EFHD1: variants seen among roughly 807,000 people sequenced by gnomAD.
The protein encoded by EFHD1 is EF-hand domain family member D1.
A neutral mutation model predicts 17.2 loss-of-function variants in EFHD1; 10 were observed. That is an observed-to-expected ratio of 0.58 (90% CI 0.36 to 0.99). The LOEUF is 0.99. Among genes scored for constraint, EFHD1 ranks in the 50% least tolerant of loss-of-function variants. The pLI is 0.01. For synonymous variants in EFHD1, 153 were observed against 142.0 expected (o/e 1.08, Z -0.55); for missense variants, 310 against 327.5 (o/e 0.95, Z 0.41).
chr2:232,618,959 C>T (rs1344185874), intron 1 of EFHD1, among the ~76,000 whole-genome samples: 1 of 151,946 alleles, frequency 6.6e-6, no homozygotes, highest in Non-Finnish European at 1.5e-5. Flanking sequence ...GCCTGACCAA[C>T]ATGGTGAAAC....
intron 1 of EFHD1, among the ~76,000 whole-genome samples, chr2:232,623,796 C>T (rs766533966): frequency 1.3e-5 from 2 of 151,960 alleles, no homozygotes; most frequent in Non-Finnish European, 2.9e-5. Flanking sequence ...TTCCTGCCTG[C>T]GTGAGTGAAG....
rs1389097770 is a variant in EFHD1, at chr2:232,650,561, T to C, written c.303-12241T>C. On this transcript the variant is annotated intron_variant, in intron 1 of 3. Transcript: ENST00000264059. ...CACCCGCCTCGGCCTCCCAAAGTGC[T>C]TTTTTTTTTTTTTTTTTTTTTTTTT... is the stretch of plus-strand genomic sequence containing the variant. Among the ~76,000 whole-genome samples the C allele has an allele frequency of 1.4e-4, 10 of 72,872 alleles. 1 individual carries two copies. Among genetic ancestry groups the C allele is most frequent in the African/African-American group, 1.9e-4 (3 of 15,572 alleles). The allele number at this position is 72,872 out of a possible 152,430, so 47.8% of individuals were successfully genotyped here.
intron 1 of EFHD1, among the ~76,000 whole-genome samples, chr2:232,640,941 T>C (rs756222313): frequency 9.9e-5 from 15 of 151,936 alleles, no homozygotes; most frequent in Non-Finnish European, 1.8e-4. Flanking sequence ...ATCTCAGTGG[T>C]GAGTGCTTGA....
rs557856187 is a variant in EFHD1 at position 232,668,904 on chromosome 2, G to T, written c.451-3405G>T. On this transcript the variant is annotated intron_variant, in intron 2 of 3. Coordinates refer to ENST00000264059, the MANE Select transcript of EFHD1 (RefSeq NM_025202.4). The stretch of plus-strand genomic sequence containing the variant: ...TCGACTCAGCCTCCCAAAATGCTGA[G>T]ATTACAGGTGTGAGCCACCACGCCC... Among the ~76,000 whole-genome samples, 306 of 152,286 alleles carry T rather than the reference G, an allele frequency of 2.0e-3. 1 individual carries two copies. Among genetic ancestry groups the T allele is most frequent in the African/African-American group, 7.0e-3 (290 of 41,566 alleles).
chr2:232,620,925 A>T (rs376784634), intron 1 of EFHD1, among the ~76,000 whole-genome samples: 1 of 152,008 alleles, frequency 6.6e-6, no homozygotes, highest in East Asian at 1.9e-4. Flanking sequence ...TCTGCTTAGG[A>T]ATATAGGAGG....
intron 1 of EFHD1, among the ~76,000 whole-genome samples, chr2:232,626,597 C>T (rs78689171): frequency 0.05 from 7,646 of 152,182 alleles, 216 homozygotes; most frequent in Non-Finnish European, 0.063. Context: ...CTTAAGTACA[C>T]ACCTTTTTAA....
chr2:232,660,198 A>AT (rs1363110267), intron 1 of EFHD1, among the ~76,000 whole-genome samples: 39 of 60,436 alleles, frequency 6.5e-4, no homozygotes, highest in African/African-American at 2.3e-3. Context: ...TTATTTATTT[A>AT]TTTATTTTTT....
upstream of EFHD1, among the ~76,000 whole-genome samples, chr2:232,631,374 C>T (rs1053131588): frequency 1.3e-5 from 2 of 151,930 alleles, no homozygotes; most frequent in Non-Finnish European, 2.9e-5. Flanking sequence ...GATCATGGCT[C>T]ACTGCAGCCT....
At chr2:232,662,420 AC>A (rs1694889473) in intron 1 of EFHD1, among the ~76,000 whole-genome samples, 1 of 152,060 alleles carries the variant, frequency 6.6e-6, no homozygotes, top group African/African-American at 2.4e-5. Context: ...TTCCCTGTGA[AC>A]GTGCTGGGCG....
intron 1 of EFHD1, among the ~76,000 whole-genome samples, chr2:232,612,208 A>C (rs894454536): frequency 6.6e-6 from 1 of 152,160 alleles, no homozygotes; most frequent in Non-Finnish European, 1.5e-5. Context: ...AGCAATACCC[A>C]ATCAGCTAGG....
chr2:232,621,542 T>A (rs970786255), intron 1 of EFHD1, among the ~76,000 whole-genome samples: 2 of 152,120 alleles, frequency 1.3e-5, no homozygotes, highest in Admixed American at 1.3e-4. Flanking sequence ...AACCTCCACC[T>A]CCCGGGTTCA....
chr2:232,648,556 G>T (rs1421209918), intron 1 of EFHD1, among the ~76,000 whole-genome samples: 1 of 152,114 alleles, frequency 6.6e-6, no homozygotes, highest in African/African-American at 2.4e-5. Flanking sequence ...AGTCTCCGAG[G>T]CTCATCTAGA....
chr2:232,634,050 G>A (rs1391394506), intron 1 of EFHD1, 44 bp downstream of exon 1: 2 of 1,592,198 alleles, frequency 1.3e-6, no homozygotes, highest in South Asian at 2.2e-5. Flanking sequence ...ACCAGGGAGG[G>A]AGCGGGAGGG....
intron 2 of EFHD1, among the ~76,000 whole-genome samples, chr2:232,665,471 G>C (rs554461951): frequency 2.0e-5 from 3 of 152,090 alleles, no homozygotes; most frequent in Admixed American, 6.5e-5. Flanking sequence ...GCCCAGACTG[G>C]AGTACAGTGG....
chr2:232,636,391 G>C (rs1411347400), intron 1 of EFHD1, among the ~76,000 whole-genome samples: 2 of 152,146 alleles, frequency 1.3e-5, no homozygotes, highest in Non-Finnish European at 2.9e-5. Flanking sequence ...GAAAGCACAG[G>C]ACCTGCCATG....
intron 1 of EFHD1, among the ~76,000 whole-genome samples, chr2:232,608,092 G>A (rs896627182): frequency 2.7e-5 from 4 of 147,856 alleles, no homozygotes; most frequent in African/African-American, 1.0e-4. Flanking sequence ...GCTGTAGGCC[G>A]GGCGTGGTGG....
At chr2:232,643,670 G>GTTGT (rs201897089) in intron 1 of EFHD1, among the ~76,000 whole-genome samples, 1 of 149,638 alleles carries the variant, frequency 6.7e-6, no homozygotes, top group South Asian at 2.1e-4. Flanking sequence ...TTTTTTTGTT[G>GTTGT]TTGTTTGTTT....
At chr2:232,626,071 A>G (rs1212432033) in intron 1 of EFHD1, among the ~76,000 whole-genome samples, 2 of 152,058 alleles carry the variant, frequency 1.3e-5, no homozygotes. Flanking sequence ...ACCTGTCTGT[A>G]GTCCCAGCTA....
At chr2:232,629,028 C>T (rs1360119101), upstream of EFHD1, among the ~76,000 whole-genome samples, 2 of 152,148 alleles carry the variant, frequency 1.3e-5, no homozygotes, top group African/African-American at 4.8e-5. Context: ...CAGCTGGAGC[C>T]GGCACGGATC....
Sources: gnomAD v4.1 joint callset for allele counts (sites outside exome capture counted in the v4.1 genomes callset) on GRCh38, gnomAD v4.1.1 for gene constraint, MANE v1.5 for transcripts, NCBI Gene and HGNC (gene_info 2026-07-23, HGNC 2026-07-21) for gene names.